The following ECM2 variants were observed in gnomAD, a reference collection of about 807,000 sequenced individuals.
The protein encoded by ECM2 is extracellular matrix protein 2.
A neutral mutation model predicts 67.5 loss-of-function variants in ECM2; 57 were observed. That is an observed-to-expected ratio of 0.84 (90% CI 0.68 to 1.05). The LOEUF is 1.05. ECM2 is among the 50% of genes least tolerant of loss of function. ECM2 has a pLI of 0.00. For synonymous variants in ECM2, 258 were observed against 294.5 expected (o/e 0.88, Z 1.27); for missense variants, 741 against 822.8 (o/e 0.90, Z 1.22).
At chr9:92,510,201 T>C (rs1029439329) in intron 5 of ECM2, among the ~76,000 whole-genome samples, 167 bp from the exon 6 acceptor site, 2 of 152,222 alleles carry the variant, frequency 1.3e-5, no homozygotes, top group Non-Finnish European at 2.9e-5. Context: ...CAGGTTGATA[T>C]TGATCCTGGT....
At chr9:92,548,529 G>T in the ECM2 span, among the ~76,000 whole-genome samples, 1 of 152,114 alleles carries the variant, frequency 6.6e-6, no homozygotes, top group Non-Finnish European at 1.5e-5. Context: ...TCAACTATCA[G>T]ATTGGAAATA....
the ECM2 span, among the ~76,000 whole-genome samples, chr9:92,545,656 A>C: frequency 6.6e-6 from 1 of 152,218 alleles, no homozygotes; most frequent in East Asian, 1.9e-4. Context: ...ACTGGCAGCC[A>C]GCTCCACCTG....
At chr9:92,519,235 T>C (rs1847916397) in intron 2 of ECM2, among the ~76,000 whole-genome samples, 1 of 152,156 alleles carries the variant, frequency 6.6e-6, no homozygotes, top group South Asian at 2.1e-4. Flanking sequence ...AAAATACACA[T>C]ATGAGTTTCT....
chr9:92,496,511 A>T, intron 9 of ECM2, 28 bp from the exon 10 acceptor site: 1 of 1,595,898 alleles, frequency 6.3e-7, no homozygotes, highest in East Asian at 2.3e-5. Context: ...TGCAAGTCAC[A>T]CATGGTCCCA....
At chr9:92,497,874 T>TA (rs71362393) in intron 9 of ECM2, among the ~76,000 whole-genome samples, 423 of 134,884 alleles carry the variant, frequency 3.1e-3, no homozygotes, top group Middle Eastern at 7.5e-3. Flanking sequence ...GCTGGTTGTT[T>TA]AAAAAAAAAA....
rs376333101 is a variant in ECM2 at position 92,505,589 on chromosome 9, G to A, written c.1408C>T (p.Arg470Cys). Residue 470 changes from arginine to cysteine, a missense_variant, in exon 7 of 10, where the codon CGT becomes TGT. Coordinates refer to ENST00000344604, the MANE Select transcript of ECM2 (RefSeq NM_001393.4). ...ATTCTAAATTTATTTTTTCCCAGAC[G>A]CAAGTAGGCTAGGCTCTTCAAAGGT... is the stretch of plus-strand genomic sequence containing the variant. ...FKPLKSLAYL[R>C]LGKNKFRIIP... The A allele has an allele frequency of 3.5e-5, 57 of 1,608,646 alleles. No homozygotes were observed. The highest frequency in any genetic ancestry group is 1.7e-5 in the Admixed American group (1 of 58,690).
upstream of ECM2, among the ~76,000 whole-genome samples, chr9:92,538,192 T>C (rs1401301788): frequency 6.6e-6 from 1 of 152,144 alleles, no homozygotes; most frequent in Non-Finnish European, 1.5e-5. Flanking sequence ...CAGTTGTGTA[T>C]AGATAGAGAA....
chr9:92,554,429 C>A, the ECM2 span, among the ~76,000 whole-genome samples: 796 of 152,224 alleles, frequency 5.2e-3, 12 homozygotes, highest in African/African-American at 0.018. Context: ...GTGATCCACC[C>A]GCATCACCCT....
downstream of ECM2, chr9:92,493,983 G>A (rs1564351637): frequency 8.6e-7 from 1 of 1,165,518 alleles, no homozygotes; most frequent in African/African-American, 1.5e-5. Context: ...GTCTCCTGGC[G>A]GCCCTCAGGC....
chr9:92,552,539 T>C, the ECM2 span, among the ~76,000 whole-genome samples: 2 of 152,220 alleles, frequency 1.3e-5, no homozygotes, highest in East Asian at 3.9e-4. Context: ...TGGCCATTCT[T>C]GTAGGAGTAA....
At chr9:92,510,364 C>G (rs777874249) in intron 5 of ECM2, among the ~76,000 whole-genome samples, 1 of 152,220 alleles carries the variant, frequency 6.6e-6, no homozygotes, top group Non-Finnish European at 1.5e-5. Flanking sequence ...TCCACCTTTA[C>G]AGCAATAGAC....
Position 92,500,798 on chromosome 9 carries a change from T to C in ECM2, c.1860A>G (p.Leu620=). ...LRELFLDHND[L]KSIPPGIQEM... is the part of the protein sequence containing the mutation. Reference sequence around the variant, plus strand: ...CTTGTATCCCAGGTGGTATAGATTTTAAGTCATTGTGATCCAGAAATAATT... The same window carrying C: ...CTTGTATCCCAGGTGGTATAGATTTCAAGTCATTGTGATCCAGAAATAATT... Residue 620 remains leucine, a synonymous_variant, in exon 9 of 10, where the codon TTA becomes TTG. Transcript: ENST00000344604. 6.2e-7 allele frequency: 1 copy of C among 1,614,242 alleles called. No homozygotes were observed.
intron 3 of ECM2, among the ~76,000 whole-genome samples, chr9:92,515,598 G>A (rs1246186717): frequency 6.6e-6 from 1 of 152,116 alleles, no homozygotes; most frequent in Non-Finnish European, 1.5e-5. Flanking sequence ...CTGTTCACTG[G>A]GGCTATTGCT....
chr9:92,506,767 C>T (rs1356620531), intron 6 of ECM2, among the ~76,000 whole-genome samples: 2 of 152,118 alleles, frequency 1.3e-5, no homozygotes, highest in African/African-American at 2.4e-5. Flanking sequence ...AAATAGCCAG[C>T]TGAGCACATG....
chr9:92,532,015 G>GTTTTTTTTTTTGT (rs1848801440), intron 1 of ECM2, among the ~76,000 whole-genome samples: 9 of 95,736 alleles, frequency 9.4e-5, no homozygotes, highest in African/African-American at 5.3e-4. Flanking sequence ...TTTATTTAAT[G>GTTTTTTTTTTTGT]TTTTTTTTTT....
At chr9:92,535,864 A>G in intron 1 of ECM2, 69 bp downstream of exon 1, 1 of 400,926 alleles carries the variant, frequency 2.5e-6, no homozygotes, top group Non-Finnish European at 4.7e-6. Flanking sequence ...ACAGTTGTGA[A>G]ATAAAATACC....
intron 3 of ECM2, among the ~76,000 whole-genome samples, chr9:92,515,585 G>A (rs762806377): frequency 6.6e-5 from 10 of 152,178 alleles, no homozygotes; most frequent in Non-Finnish European, 1.3e-4. Context: ...AATAGATACT[G>A]TTCTGTTCAC....
the ECM2 span, among the ~76,000 whole-genome samples, chr9:92,542,757 C>T: frequency 2.2e-4 from 34 of 152,284 alleles, no homozygotes; most frequent in South Asian, 4.1e-4. Flanking sequence ...CGTGATCCAC[C>T]GGCCTCGGCC....
intron 1 of ECM2, among the ~76,000 whole-genome samples, chr9:92,533,320 AAAAAAAAAATATAT>A (rs1175974378): frequency 5.4e-5 from 5 of 92,472 alleles, no homozygotes; most frequent in Non-Finnish European, 1.1e-4. Flanking sequence ...AAAAAAAAAA[AAAAAAAAAATATAT>A]ATATATATAT....
Sources: gnomAD v4.1 joint callset for allele counts (sites outside exome capture counted in the v4.1 genomes callset) on GRCh38, gnomAD v4.1.1 for gene constraint, MANE v1.5 for transcripts, NCBI Gene and HGNC (gene_info 2026-07-23, HGNC 2026-07-21) for gene names.